Variants in LCORL observed in about 807,000 individuals in gnomAD.
LCORL encodes ligand dependent nuclear receptor corepressor like, also known as ligand-dependent nuclear receptor corepressor-like protein.
In LCORL, 41 loss-of-function variants were observed where a neutral mutation model predicts 141.8. The ratio of observed to expected loss-of-function variants is 0.29; its 90% confidence interval spans 0.23 to 0.38. The LOEUF is 0.38. Among genes scored for constraint, LCORL ranks in the 10% least tolerant of loss-of-function variants. The pLI, the probability that LCORL is intolerant of heterozygous loss-of-function variation, is 1.00. For synonymous variants in LCORL, 618 were observed against 694.1 expected (o/e 0.89, Z 1.72); for missense variants, 1,759 against 2,035.0 (o/e 0.86, Z 2.61).
At chr4:17,983,690 T>C (rs1165200177) in intron 1 of LCORL, among the ~76,000 whole-genome samples, 6 of 152,180 alleles carry the variant, frequency 3.9e-5, no homozygotes, top group African/African-American at 9.7e-5. Flanking sequence ...TTTCTAGATA[T>C]AGAATGATGT....
intron 4 of LCORL, among the ~76,000 whole-genome samples, chr4:17,938,007 T>C (rs1272249403): frequency 1.3e-5 from 2 of 149,950 alleles, no homozygotes; most frequent in Admixed American, 6.6e-5. Flanking sequence ...CAATTTCTTT[T>C]TTTTTTTTTT....
At chr4:17,874,341 C>T (rs1473144170) in exon 7 of LCORL, 26 of 1,233,910 alleles carry the variant, frequency 2.1e-5, no homozygotes, top group Non-Finnish European at 2.1e-5. Context: ...TCTGAAGGGG[C>T]TGGCATTAAA....
intron 6 of LCORL, 82 bp from the exon 7 acceptor site, chr4:17,878,295 A>G (rs1727123987): frequency 2.9e-6 from 3 of 1,030,444 alleles, no homozygotes; most frequent in Admixed American, 8.6e-5. Context: ...TGTTTGAAAA[A>G]AGATATTTTG....
chr4:18,009,564 C>G (rs1452570561), intron 1 of LCORL, among the ~76,000 whole-genome samples: 1 of 152,040 alleles, frequency 6.6e-6, no homozygotes, highest in African/African-American at 2.4e-5. Context: ...TATGTATGGA[C>G]TCCCTCCTCA....
intron 4 of LCORL, among the ~76,000 whole-genome samples, chr4:17,921,161 CT>C (rs1734239109): frequency 6.6e-6 from 1 of 151,978 alleles, no homozygotes; most frequent in Non-Finnish European, 1.5e-5. Context: ...GTAGCTGGGA[CT>C]ACAGGCACAC....
intron 4 of LCORL, among the ~76,000 whole-genome samples, chr4:17,953,892 G>A (rs1041806330): frequency 7.2e-5 from 11 of 152,136 alleles, no homozygotes; most frequent in South Asian, 2.1e-4. Flanking sequence ...GGCCAGGCGC[G>A]GTGGCTCACG....
At chr4:17,915,498 G>A (rs192071075) in intron 4 of LCORL, among the ~76,000 whole-genome samples, 1 of 152,320 alleles carries the variant, frequency 6.6e-6, no homozygotes, top group African/African-American at 2.4e-5. Context: ...GGATGCTGCT[G>A]TAATAAAAAA....
intron 7 of LCORL, among the ~76,000 whole-genome samples, chr4:17,847,291 T>C (rs16895883): frequency 0.12 from 17,660 of 152,236 alleles, 1,141 homozygotes; most frequent in South Asian, 0.24. Context: ...CTATTAGCAA[T>C]GAGGTTCAGG....
intron 4 of LCORL, among the ~76,000 whole-genome samples, chr4:17,921,473 A>G (rs1291351629): frequency 6.6e-6 from 1 of 152,236 alleles, no homozygotes; most frequent in African/African-American, 2.4e-5. Flanking sequence ...ACTTGAAAGT[A>G]GAAATTACTC....
At chr4:17,994,057 T>C (rs1189837590) in intron 1 of LCORL, among the ~76,000 whole-genome samples, 1 of 152,172 alleles carries the variant, frequency 6.6e-6, no homozygotes, top group Non-Finnish European at 1.5e-5. Flanking sequence ...TCATTTTTGG[T>C]TGGATATGTG....
intron 6 of LCORL, among the ~76,000 whole-genome samples, chr4:17,878,608 GA>G (rs1727168004): frequency 6.6e-6 from 1 of 151,044 alleles, no homozygotes; most frequent in East Asian, 1.9e-4. Flanking sequence ...TGCAAATAAG[GA>G]AAATAAAATG....
At chr4:17,981,022 C>G (rs1184954108) in intron 1 of LCORL, among the ~76,000 whole-genome samples, 1 of 152,138 alleles carries the variant, frequency 6.6e-6, no homozygotes, top group Admixed American at 6.5e-5. Flanking sequence ...TAACTTAATC[C>G]TTCCAAAGAC....
intron 5 of LCORL, among the ~76,000 whole-genome samples, chr4:17,891,797 TG>T (rs1729117908): frequency 6.6e-6 from 1 of 152,154 alleles, no homozygotes; most frequent in Non-Finnish European, 1.5e-5. Context: ...GAATAAACTG[TG>T]GAAGTAAATA....
intron 1 of LCORL, among the ~76,000 whole-genome samples, chr4:17,974,270 T>G (rs1312011496): frequency 6.6e-6 from 1 of 152,110 alleles, no homozygotes; most frequent in Non-Finnish European, 1.5e-5. Flanking sequence ...CATGCTACTA[T>G]CTCTCTTCCG....
intron 4 of LCORL, among the ~76,000 whole-genome samples, chr4:17,937,719 T>C (rs1262750712): frequency 6.6e-6 from 1 of 152,136 alleles, no homozygotes; most frequent in African/African-American, 2.4e-5. Flanking sequence ...AGTTAAGCCA[T>C]ATAAAAAGAC....
intron 1 of LCORL, among the ~76,000 whole-genome samples, chr4:17,974,161 C>T (rs561187412): frequency 3.9e-5 from 6 of 152,202 alleles, no homozygotes; most frequent in East Asian, 1.9e-4. Flanking sequence ...CTGTCATCAA[C>T]GTGCTTCAGA....
At chr4:17,942,819 G>T (rs1431761060) in intron 4 of LCORL, among the ~76,000 whole-genome samples, 1 of 152,158 alleles carries the variant, frequency 6.6e-6, no homozygotes, top group Non-Finnish European at 1.5e-5. Context: ...TCCATGGCCT[G>T]TAAGGAACTG....
intron 4 of LCORL, among the ~76,000 whole-genome samples, chr4:17,929,314 G>A (rs1344899590): frequency 5.3e-5 from 8 of 152,054 alleles, no homozygotes; most frequent in East Asian, 3.9e-4. Context: ...AAGGGACCCC[G>A]AATAGCCAAA....
intron 7 of LCORL, among the ~76,000 whole-genome samples, chr4:17,860,190 A>G (rs776481007): frequency 6.6e-6 from 1 of 152,214 alleles, no homozygotes; most frequent in Non-Finnish European, 1.5e-5. Flanking sequence ...GAGGCATCAC[A>G]TTACCTGACT....
Sources: gnomAD v4.1 joint callset for allele counts (sites outside exome capture counted in the v4.1 genomes callset) on GRCh38, gnomAD v4.1.1 for gene constraint, MANE v1.5 for transcripts, NCBI Gene and HGNC (gene_info 2026-07-23, HGNC 2026-07-21) for gene names.